The following RADX variants were observed in gnomAD, a reference collection of about 807,000 sequenced individuals.
The protein encoded by RADX is RPA-related protein RADX.
In RADX, 36 loss-of-function variants were observed where a neutral mutation model predicts 61.6. The ratio of observed to expected loss-of-function variants is 0.58; its 90% CI spans 0.45 to 0.77. The LOEUF is 0.77. Among genes scored for constraint, RADX ranks in the 30% least tolerant of loss-of-function variants. The pLI is 0.00. For missense variants in RADX, 497 were observed against 651.1 expected, an observed-to-expected ratio of 0.76 and a Z score of 2.58; for synonymous variants, 272 against 237.9, an observed-to-expected ratio of 1.14 and a Z score of -1.32.
chrX:106,612,897 T>G (rs1926713878), intron 1 of RADX, among the ~76,000 whole-genome samples, 174 bp downstream of exon 1: 1 of 111,957 alleles, frequency 8.9e-6, no homozygotes, highest in Non-Finnish European at 1.9e-5. Flanking sequence ...GCACAGCCAG[T>G]GGTTTTTGTT....
At chrX:106,632,549 G>T (rs1336602862) in intron 3 of RADX, 76 bp from the exon 4 acceptor site, 1 of 601,599 alleles carries the variant, frequency 1.7e-6, no homozygotes, top group East Asian at 3.7e-5. Context: ...ATACTATTTT[G>T]CTTTTTAATA....
chrX:106,628,616 A>G (rs990615983), intron 3 of RADX, among the ~76,000 whole-genome samples: 1 of 109,625 alleles, frequency 9.1e-6, no homozygotes, highest in African/African-American at 3.4e-5. Flanking sequence ...ATTTCCACAC[A>G]TAGTTCCAAG....
chrX:106,620,006 A>G (rs1471967890), intron 1 of RADX, among the ~76,000 whole-genome samples: 3 of 111,672 alleles, frequency 2.7e-5, no homozygotes, highest in Non-Finnish European at 5.6e-5. Context: ...GTGGTGCCCC[A>G]AGACATTTTC....
chrX:106,662,343 C>T (rs780155298), intron 12 of RADX, 38 bp downstream of exon 12: 41 of 1,104,016 alleles, frequency 3.7e-5, no homozygotes, highest in Non-Finnish European at 5.0e-5. Flanking sequence ...ATTAATTTAA[C>T]ATATTTTAAA....
At position 106,633,129 on chromosome X, in the gene RADX, G is replaced by C; in HGVS notation, c.1181-1G>C. 1.7e-6 allele frequency: 2 copies of C among 1,200,743 alleles called. No homozygotes were observed. The highest frequency in any genetic ancestry group is 2.3e-6 in the Non-Finnish European group (2 of 886,416). On this transcript the variant is annotated splice_acceptor_variant, in intron 5 of 13. Transcript: ENST00000372548. LOFTEE classifies it high-confidence loss of function. ...TTTATTTTAATATTCTATCCATATA[G>C]AAAACCGTGAAGATTTTTGGTCATA... is the stretch of plus-strand genomic sequence containing the variant.
At position 106,632,923 on chromosome X, in the gene RADX, C is replaced by T; in HGVS notation, c.1089-9C>T. On this transcript the variant is annotated splice_polypyrimidine_tract_variant and intron_variant, in intron 4 of 13. Transcript: ENST00000372548. ...ATAAAATATTAATTTAGTGATTTTACCTTTTTAGGTCAGAACTGGATGATA... is the reference window on the plus strand; with the variant it reads ...ATAAAATATTAATTTAGTGATTTTATCTTTTTAGGTCAGAACTGGATGATA... The T allele has an allele frequency of 3.4e-6, 4 of 1,177,229 alleles. No individual in the cohort carries two copies. The highest frequency in any genetic ancestry group is 1.9e-5 in the South Asian group (1 of 53,577).
At chrX:106,614,584 G>A (rs1380939422) in intron 1 of RADX, among the ~76,000 whole-genome samples, 1 of 111,803 alleles carries the variant, frequency 8.9e-6, no homozygotes, top group African/African-American at 3.3e-5. Flanking sequence ...TGTGGATATA[G>A]ACAGATCATC....
intron 11 of RADX, among the ~76,000 whole-genome samples, chrX:106,661,501 A>G (rs989873110): frequency 4.6e-5 from 5 of 109,201 alleles, no homozygotes; most frequent in African/African-American, 1.7e-4. Flanking sequence ...TGCTGAGATT[A>G]CAGGCATGAG....
In RADX at chrX:106,612,137, G is replaced by A; in HGVS notation, c.57G>A (p.Trp19Ter). The A allele has an allele frequency of 1.7e-6, 2 of 1,211,593 alleles. No individual in the cohort carries two copies. Among genetic ancestry groups the A allele is most frequent in the Non-Finnish European group, 1.1e-6 (1 of 895,230 alleles). ...GTCCCTCACATGCAGGGCTAGATTG[G>A]CCGAACCCTGAGAGGAATCGGGCTG... ...EAGPSHAGLD[W>*]PNPERNRAGV... Residue 19 changes from tryptophan (W) to a stop codon, truncating the protein, a stop_gained, in exon 1 of 14, where the codon TGG becomes TGA. Coordinates refer to ENST00000372548, the MANE Select transcript of RADX (RefSeq NM_018015.6). LOFTEE classifies it high-confidence loss of function.
At chrX:106,655,666 T>G (rs1050366422) in intron 11 of RADX, among the ~76,000 whole-genome samples, 11 of 111,092 alleles carry the variant, frequency 9.9e-5, no homozygotes, top group Non-Finnish European at 1.7e-4. Context: ...AAAAAGGACA[T>G]GAACTCATCC....
rs190141621 is a variant in RADX at position 106,628,780 on chromosome X, G to T, written c.979+3498G>T. 1.2e-4 allele frequency among the ~76,000 whole-genome samples: 13 copies of T among 109,152 alleles called. No individual in the cohort carries two copies. In the East Asian group the frequency reaches 3.7e-3, roughly 31 times the overall value. The allele number at this position is 109,152 out of a possible 115,157, so 94.8% of individuals were successfully genotyped here. ...TGCCCGAGTAGCTGGGATTACAGGC[G>T]CCCACCACCATGCCAGGCTACTTTT... is the stretch of plus-strand genomic sequence containing the variant. On this transcript the variant is annotated intron_variant, in intron 3 of 13. Transcript: ENST00000372548.
intron 13 of RADX, among the ~76,000 whole-genome samples, chrX:106,671,083 C>T (rs1172603773): frequency 9.0e-6 from 1 of 111,676 alleles, no homozygotes; most frequent in Non-Finnish European, 1.9e-5. Context: ...CACCAACTCA[C>T]TCACCTATTC....
At chrX:106,675,509 G>A (rs761207893) in intron 13 of RADX, among the ~76,000 whole-genome samples, 82 of 112,119 alleles carry the variant, frequency 7.3e-4, no homozygotes, top group Middle Eastern at 4.6e-3. Context: ...AGGAGATGCT[G>A]GCTTTTAATT....
chrX:106,634,255 C>T (rs1927308381), intron 6 of RADX, among the ~76,000 whole-genome samples: 1 of 111,025 alleles, frequency 9.0e-6, no homozygotes, highest in Non-Finnish European at 1.9e-5. Flanking sequence ...CTTGCCTCAG[C>T]CTCCTGAGTA....
chrX:106,637,099 A>G (rs1352540692), intron 7 of RADX, among the ~76,000 whole-genome samples: 1 of 111,827 alleles, frequency 8.9e-6, no homozygotes, highest in African/African-American at 3.2e-5. Context: ...GTCTGCAAGT[A>G]TATTGTTTTT....
intron 13 of RADX, among the ~76,000 whole-genome samples, chrX:106,676,590 A>G (rs1186961364): frequency 2.7e-5 from 3 of 112,561 alleles, no homozygotes; most frequent in South Asian, 3.7e-4. Flanking sequence ...TATTGAAAAT[A>G]AAGTATTTTT....
chrX:106,637,316 T>C (rs1448617289), intron 7 of RADX, among the ~76,000 whole-genome samples: 5 of 112,101 alleles, frequency 4.5e-5, no homozygotes, highest in Non-Finnish European at 9.4e-5. Flanking sequence ...GATGTGAATA[T>C]GGCACTTTTA....
At chrX:106,642,003 A>G (rs1927525040) in intron 10 of RADX, among the ~76,000 whole-genome samples, 1 of 111,909 alleles carries the variant, frequency 8.9e-6, no homozygotes, top group Non-Finnish European at 1.9e-5. Context: ...AGATTTTAAG[A>G]TTTTAAAAAT....
At chrX:106,622,240 AT>A (rs1926969721) in intron 1 of RADX, among the ~76,000 whole-genome samples, 2 of 111,048 alleles carry the variant, frequency 1.8e-5, no homozygotes, top group African/African-American at 6.6e-5. Flanking sequence ...CACCTGGCCC[AT>A]TTCTATAAAT....
Sources: gnomAD v4.1 joint callset for allele counts (sites outside exome capture counted in the v4.1 genomes callset) on GRCh38, gnomAD v4.1.1 for gene constraint, MANE v1.5 for transcripts, NCBI Gene and HGNC (gene_info 2026-07-23, HGNC 2026-07-21) for gene names.